The following MIPOL1 variants were observed in gnomAD, a reference collection of about 807,000 sequenced individuals.
The protein encoded by MIPOL1 is mirror-image polydactyly gene 1 protein.
A neutral mutation model predicts 60.9 loss-of-function variants in MIPOL1; 57 were observed. The observed-to-expected ratio is 0.94, with a 90% CI of 0.76 to 1.17. MIPOL1 has a LOEUF of 1.17. Ranked by LOEUF, MIPOL1 falls within the 50% of genes most tolerant of loss-of-function variation. The probability of loss-of-function intolerance (pLI) is 0.00; values close to 1 mark genes in which losing one functional copy is unlikely to be tolerated. For synonymous variants in MIPOL1, 179 were observed against 168.8 expected, an observed-to-expected ratio of 1.06 and a Z score of -0.47; for missense variants, 551 against 511.6, an observed-to-expected ratio of 1.08 and a Z score of -0.74.
chr14:37,434,716 C>T (rs995401867), intron 11 of MIPOL1: 10 of 152,016 alleles, frequency 6.6e-5, no homozygotes, highest in Non-Finnish European at 1.2e-4. Flanking sequence ...GATGTTGTGG[C>T]CTTGAGTCTC....
At chr14:37,361,765 G>A (rs941434434) in intron 9 of MIPOL1, among the ~76,000 whole-genome samples, 1 of 151,576 alleles carries the variant, frequency 6.6e-6, no homozygotes, top group African/African-American at 2.4e-5. Flanking sequence ...CCACCCCCAT[G>A]CCCAGCTAAT....
At chr14:37,420,571 T>G (rs1253332886) in intron 10 of MIPOL1, among the ~76,000 whole-genome samples, 1 of 152,128 alleles carries the variant, frequency 6.6e-6, no homozygotes, top group Non-Finnish European at 1.5e-5. Flanking sequence ...AAAGAGCACA[T>G]TTAAATTGGT....
chr14:37,234,361 C>CTT (rs3061899), intron 1 of MIPOL1, among the ~76,000 whole-genome samples: 9,911 of 135,098 alleles, frequency 0.073, 1,195 homozygotes, highest in African/African-American at 0.25. Flanking sequence ...CTTTTCTTTT[C>CTT]TTTTTTTTTT....
intron 6 of MIPOL1, among the ~76,000 whole-genome samples, chr14:37,274,079 G>A (rs1567235650): frequency 6.6e-6 from 1 of 151,336 alleles, no homozygotes; most frequent in Non-Finnish European, 1.5e-5. Flanking sequence ...AAGAAACAAA[G>A]TATTGGATTA....
chr14:37,299,302 G>A (rs536790680), intron 7 of MIPOL1, among the ~76,000 whole-genome samples: 1 of 151,894 alleles, frequency 6.6e-6, no homozygotes, highest in Non-Finnish European at 1.5e-5. Context: ...GGTAGGGAGA[G>A]GGGGGCGGGA....
intron 10 of MIPOL1, among the ~76,000 whole-genome samples, chr14:37,378,394 G>A (rs927514436): frequency 3.3e-5 from 5 of 151,992 alleles, no homozygotes; most frequent in Admixed American, 6.6e-5. Flanking sequence ...TCAAGGGCAT[G>A]ATGCAAAAGC....
chr14:37,370,111 AAG>A (rs2092598782), intron 10 of MIPOL1, among the ~76,000 whole-genome samples: 1 of 152,150 alleles, frequency 6.6e-6, no homozygotes, highest in African/African-American at 2.4e-5. Context: ...GTTACAATAA[AAG>A]AGAGAGAAAG....
intron 11 of MIPOL1, among the ~76,000 whole-genome samples, chr14:37,445,679 A>G (rs2094322601): frequency 6.6e-6 from 1 of 152,018 alleles, no homozygotes; most frequent in African/African-American, 2.4e-5. Context: ...ACTATACTAC[A>G]AGGCTACAGT....
Position 37,422,839 on chromosome 14 carries a change from T to G in MIPOL1, c.937-16T>G, listed in dbSNP as rs1269191583. On this transcript the variant is annotated splice_polypyrimidine_tract_variant and intron_variant, in intron 10 of 12. Coordinates refer to ENST00000684589, the MANE Select transcript of MIPOL1 (RefSeq NM_001388067.1). ...AAAATGAATACTGAATTTCTTAAAATATTAATTACTTTTAGGCAAAGTTGT... is the reference window on the plus strand; with the variant it reads ...AAAATGAATACTGAATTTCTTAAAAGATTAATTACTTTTAGGCAAAGTTGT... The G allele has an allele frequency of 3.2e-6, 5 of 1,538,972 alleles. No individual in the cohort carries two copies. In the South Asian group the frequency reaches 5.8e-5, roughly 18 times the overall value.
chr14:37,551,553 A>C (rs1427008231), downstream of MIPOL1: 3 of 152,106 alleles, frequency 2.0e-5, no homozygotes, highest in African/African-American at 7.2e-5. Context: ...TAGAAAGAAC[A>C]TAAGAAGTGA....
intron 7 of MIPOL1, among the ~76,000 whole-genome samples, chr14:37,289,923 C>T (rs1264894324): frequency 6.6e-6 from 1 of 152,136 alleles, no homozygotes; most frequent in Non-Finnish European, 1.5e-5. Context: ...TGGAGATTCC[C>T]TGTAGGTGAG....
intron 6 of MIPOL1, among the ~76,000 whole-genome samples, chr14:37,275,723 A>G (rs2083607174): frequency 6.6e-6 from 1 of 151,086 alleles, no homozygotes; most frequent in Non-Finnish European, 1.5e-5. Context: ...GTGATATTTA[A>G]AATATTTGTA....
intron 6 of MIPOL1, chr14:37,278,486 G>C (rs888098489): frequency 6.6e-6 from 1 of 151,672 alleles, no homozygotes; most frequent in Non-Finnish European, 1.5e-5. Flanking sequence ...TCTTTCATAT[G>C]TAGTAAAGTC....
At chr14:37,286,537 T>A (rs541166011) in intron 7 of MIPOL1, among the ~76,000 whole-genome samples, 2 of 152,282 alleles carry the variant, frequency 1.3e-5, no homozygotes, top group South Asian at 4.1e-4. Context: ...TATTTAATGA[T>A]CAATCAGCAT....
At chr14:37,388,250 G>T (rs2153517091) in intron 10 of MIPOL1, among the ~76,000 whole-genome samples, 1 of 151,834 alleles carries the variant, frequency 6.6e-6, no homozygotes, top group South Asian at 2.1e-4. Flanking sequence ...TTAAGCACCT[G>T]TAAGCCTTTT....
chr14:37,394,243 T>C (rs958278009), intron 10 of MIPOL1, among the ~76,000 whole-genome samples: 20 of 151,336 alleles, frequency 1.3e-4, no homozygotes, highest in African/African-American at 4.4e-4. Flanking sequence ...CAAGTAAATT[T>C]TTCATATAAC....
At chr14:37,333,045 A>G (rs899305983) in intron 9 of MIPOL1, among the ~76,000 whole-genome samples, 4 of 152,182 alleles carry the variant, frequency 2.6e-5, no homozygotes, top group African/African-American at 9.6e-5. Context: ...ATTGCTACAG[A>G]TAATTTTATG....
At chr14:37,465,701 G>T (rs2094589733) in intron 11 of MIPOL1, among the ~76,000 whole-genome samples, 1 of 151,942 alleles carries the variant, frequency 6.6e-6, no homozygotes. Flanking sequence ...CTACAATTAG[G>T]CTATTAAAAT....
intron 7 of MIPOL1, among the ~76,000 whole-genome samples, chr14:37,299,301 A>AG (rs2086130221): frequency 9.1e-6 from 1 of 109,492 alleles, no homozygotes; most frequent in African/African-American, 3.6e-5. Context: ...GGGTAGGGAG[A>AG]GGGGGGCGGG....
Sources: allele counts gnomAD v4.1 joint callset (sites outside exome capture counted in the v4.1 genomes callset), GRCh38; gene constraint gnomAD v4.1.1; transcripts MANE v1.5; gene names NCBI Gene and HGNC (gene_info 2026-07-23, HGNC 2026-07-21).